OPCML: variants seen among roughly 807,000 people sequenced by gnomAD.
OPCML encodes the protein opioid-binding protein/cell adhesion molecule.
Under a neutral mutation model 37.8 loss-of-function variants are expected in OPCML, and 13 were observed. The observed-to-expected ratio is 0.34, with a 90% CI of 0.22 to 0.55. The LOEUF is 0.55. Ranked by LOEUF, OPCML falls within the 20% of genes least tolerant of loss-of-function variation. OPCML has a pLI of 0.91. For synonymous variants in OPCML, 176 were observed against 168.8 expected (o/e 1.04, Z -0.33); for missense variants, 341 against 435.6 (o/e 0.78, Z 1.93).
At chr11:132,432,951 T>C (rs1254006102) in intron 7 of OPCML, among the ~76,000 whole-genome samples, 1 of 152,124 alleles carries the variant, frequency 6.6e-6, no homozygotes, top group East Asian at 1.9e-4. Flanking sequence ...CAATGCTCTG[T>C]GTGAGTGCAG....
chr11:132,923,266 A>C (rs1459374393), intron 2 of OPCML, among the ~76,000 whole-genome samples: 1 of 152,108 alleles, frequency 6.6e-6, no homozygotes. Flanking sequence ...TAGTGCACCA[A>C]ACTAGTTTTC....
Position 132,415,250 on chromosome 11 carries a change from GA to G in OPCML, c.*4942del. ...TAAATTTTTAAAGCATTTGAACATA[GA>G]TTTTTTTTGAAGGATAATTGTGAGA... On this transcript the variant is annotated 3_prime_UTR_variant, in exon 8 of 8. Coordinates refer to ENST00000524381, the MANE Select transcript of OPCML (RefSeq NM_001012393.5). The G allele has an allele frequency of 6.6e-6, 1 of 152,496 alleles. No individual in the cohort carries two copies. The allele number at this position is 152,496 out of a possible 1,614,324, so 9.4% of individuals were successfully genotyped here.
At chr11:132,993,466 C>A (rs574881157) in intron 1 of OPCML, among the ~76,000 whole-genome samples, 1 of 152,250 alleles carries the variant, frequency 6.6e-6, no homozygotes, top group South Asian at 2.1e-4. Flanking sequence ...GGGCTTACAT[C>A]CCCCTGGATT....
chr11:132,794,926 A>C (rs543071927), intron 2 of OPCML, among the ~76,000 whole-genome samples: 2 of 152,070 alleles, frequency 1.3e-5, no homozygotes, highest in South Asian at 4.2e-4. Context: ...AAACTATAAA[A>C]GATATGTACA....
chr11:132,483,932 A>T (rs2096190166), intron 4 of OPCML, among the ~76,000 whole-genome samples: 1 of 152,152 alleles, frequency 6.6e-6, no homozygotes, highest in Admixed American at 6.5e-5. Context: ...TGGATTAAAG[A>T]CTTAAATGTT....
At chr11:133,045,408 A>G (rs1002325433) in intron 1 of OPCML, among the ~76,000 whole-genome samples, 1 of 152,230 alleles carries the variant, frequency 6.6e-6, no homozygotes, top group Non-Finnish European at 1.5e-5. Flanking sequence ...CCGGAGGGAC[A>G]GTCACAGATG....
chr11:133,473,072 G>T (rs116090921), intron 1 of OPCML, among the ~76,000 whole-genome samples: 4 of 152,236 alleles, frequency 2.6e-5, no homozygotes, highest in African/African-American at 9.6e-5. Flanking sequence ...TTCATACTGG[G>T]AGCTCACAAA....
intron 1 of OPCML, among the ~76,000 whole-genome samples, chr11:133,110,997 A>G (rs1222195364): frequency 6.6e-6 from 1 of 152,176 alleles, no homozygotes; most frequent in Non-Finnish European, 1.5e-5. Flanking sequence ...ACCTATCCAT[A>G]TGGTTTTTGA....
intron 1 of OPCML, among the ~76,000 whole-genome samples, chr11:133,370,490 A>C (rs1056194790): frequency 6.6e-6 from 1 of 151,874 alleles, no homozygotes; most frequent in Admixed American, 6.6e-5. Context: ...AACAGAAAAA[A>C]AAAAAAAGGA....
chr11:133,279,596 A>G (rs960346121), intron 1 of OPCML, among the ~76,000 whole-genome samples: 17 of 152,124 alleles, frequency 1.1e-4, no homozygotes, highest in Admixed American at 8.5e-4. Flanking sequence ...CACCTCTCAG[A>G]GCAGTTTTCA....
At chr11:132,707,869 G>T (rs1326435605) in intron 2 of OPCML, among the ~76,000 whole-genome samples, 1 of 152,092 alleles carries the variant, frequency 6.6e-6, no homozygotes, top group Non-Finnish European at 1.5e-5. Context: ...AAGAAATCAT[G>T]AAAAAATTAT....
intron 1 of OPCML, among the ~76,000 whole-genome samples, chr11:133,308,163 A>G (rs1021226189): frequency 6.6e-6 from 1 of 152,176 alleles, no homozygotes; most frequent in African/African-American, 2.4e-5. Context: ...CCTGACTACC[A>G]TGTGAAAAAT....
At chr11:132,500,497 A>G (rs2096243236) in intron 4 of OPCML, among the ~76,000 whole-genome samples, 1 of 152,134 alleles carries the variant, frequency 6.6e-6, no homozygotes, top group Non-Finnish European at 1.5e-5. Flanking sequence ...AGTTGTCCAT[A>G]TGGTCCTTTG....
rs561479721 is a variant in OPCML at position 133,355,596 on chromosome 11, A to T, written c.61+176668T>A. Among the ~76,000 whole-genome samples, 12 of 152,322 alleles carry T rather than the reference A, an allele frequency of 7.9e-5. No homozygotes were observed. In the East Asian group the frequency reaches 2.3e-3, roughly 29 times the overall value. On this transcript the variant is annotated intron_variant, in intron 1 of 7. Coordinates refer to ENST00000524381, the MANE Select transcript of OPCML (RefSeq NM_001012393.5). ...AGAACTCCTACTATGTCGGTGGCAC[A>T]GCTGGGCCCTGAAGGTGGGTTCTCT... is the stretch of plus-strand genomic sequence containing the variant.
chr11:132,802,237 C>T (rs182495643), intron 2 of OPCML, among the ~76,000 whole-genome samples: 1 of 152,172 alleles, frequency 6.6e-6, no homozygotes. Context: ...GCACACAGTC[C>T]ATTTTTTACC....
At chr11:133,235,556 C>G (rs1361849045) in intron 1 of OPCML, among the ~76,000 whole-genome samples, 1 of 152,212 alleles carries the variant, frequency 6.6e-6, no homozygotes, top group African/African-American at 2.4e-5. Context: ...CACCAGCACC[C>G]AAGCTGCTTT....
At chr11:132,554,133 G>A (rs543038650) in intron 3 of OPCML, among the ~76,000 whole-genome samples, 13 of 152,272 alleles carry the variant, frequency 8.5e-5, no homozygotes, top group Admixed American at 2.6e-4. Context: ...ATCATTAAAC[G>A]TGAGGATGAG....
At chr11:132,757,993 G>T (rs1354058063) in intron 2 of OPCML, among the ~76,000 whole-genome samples, 2 of 152,062 alleles carry the variant, frequency 1.3e-5, no homozygotes, top group Non-Finnish European at 2.9e-5. Context: ...TAAAGAAGGA[G>T]TCCAGTTTCA....
At chr11:133,087,557 T>C (rs894683696) in intron 1 of OPCML, among the ~76,000 whole-genome samples, 2 of 152,234 alleles carry the variant, frequency 1.3e-5, no homozygotes, top group East Asian at 1.9e-4. Flanking sequence ...AGTAAACTTA[T>C]AAAACATCAA....
Sources: allele counts gnomAD v4.1 joint callset (sites outside exome capture counted in the v4.1 genomes callset), GRCh38; gene constraint gnomAD v4.1.1; transcripts MANE v1.5; gene names NCBI Gene and HGNC (gene_info 2026-07-23, HGNC 2026-07-21).